SVOPL: variants seen among roughly 807,000 people sequenced by gnomAD.
SVOPL encodes putative transporter SVOPL.
A neutral mutation model predicts 61.0 loss-of-function variants in SVOPL; 60 were observed. The ratio of observed to expected loss-of-function variants is 0.98; its 90% CI spans 0.80 to 1.22. The LOEUF is 1.22. SVOPL is among the 50% of genes most tolerant of loss of function. The probability of loss-of-function intolerance (pLI) is 0.00; values close to 1 mark genes in which losing one functional copy is unlikely to be tolerated. For synonymous variants in SVOPL, 279 were observed against 250.0 expected (o/e 1.12, Z -1.09); for missense variants, 662 against 643.9 (o/e 1.03, Z -0.30).
intron 14 of SVOPL, among the ~76,000 whole-genome samples, chr7:138,612,405 T>TAAAAAAAAAA (rs1158818070): frequency 2.1e-4 from 2 of 9,332 alleles, no homozygotes; most frequent in Non-Finnish European, 2.0e-4. Context: ...AAAAATAAAT[T>TAAAAAAAAAA]AAAAAAAAAA....
At position 138,643,985 on chromosome 7, in the gene SVOPL, C is replaced by T. The variant is rs151023380; in HGVS notation, c.789+732G>A. Among the ~76,000 whole-genome samples the T allele has an allele frequency of 2.8e-3, 421 of 151,976 alleles. 3 individuals are homozygous for T. The highest frequency in any genetic ancestry group is 0.01 in the Middle Eastern group (3 of 294). On this transcript the variant is annotated intron_variant, in intron 9 of 15. Coordinates refer to ENST00000674285, the MANE Select transcript of SVOPL (RefSeq NM_001139456.2). ...TTGGGAGGCCGAGGCAGGTGGATCA[C>T]GAGGTCAAGAGATCAAGACCATCCT...
At chr7:138,655,378 G>A (rs913622691) in intron 7 of SVOPL, among the ~76,000 whole-genome samples, 4 of 151,936 alleles carry the variant, frequency 2.6e-5, no homozygotes, top group South Asian at 2.1e-4. Context: ...GGTGGTGCAC[G>A]TCTGTAATTC....
At chr7:138,663,018 C>A (rs1462036455) in intron 5 of SVOPL, 56 bp downstream of exon 5, 2 of 1,611,246 alleles carry the variant, frequency 1.2e-6, no homozygotes, top group Admixed American at 1.7e-5. Context: ...GATAAGGTTG[C>A]CCCCAAAAGA....
At chr7:138,675,653 G>A (rs111688105) in intron 3 of SVOPL, among the ~76,000 whole-genome samples, 3,132 of 152,108 alleles carry the variant, frequency 0.021, 103 homozygotes, top group African/African-American at 0.072. Flanking sequence ...ACCATGCCCC[G>A]CCCACACAAC....
intron 14 of SVOPL, among the ~76,000 whole-genome samples, chr7:138,608,322 A>C (rs1343455341): frequency 1.3e-5 from 2 of 152,256 alleles, no homozygotes; most frequent in Non-Finnish European, 2.9e-5. Context: ...AACGTGCTAT[A>C]AATCTCATTA....
At chr7:138,694,355 C>T (rs189686358) in intron 1 of SVOPL, among the ~76,000 whole-genome samples, 1 of 152,138 alleles carries the variant, frequency 6.6e-6, no homozygotes, top group Non-Finnish European at 1.5e-5. Flanking sequence ...AGTGATTCTC[C>T]TGCCTCAGCC....
chr7:138,671,866 G>A (rs1802426162), intron 4 of SVOPL, among the ~76,000 whole-genome samples, 153 bp downstream of exon 4: 1 of 152,216 alleles, frequency 6.6e-6, no homozygotes, highest in Admixed American at 6.5e-5. Flanking sequence ...AAAGAAAAAG[G>A]TGACGAAGAC....
intron 5 of SVOPL, 38 bp downstream of exon 5, chr7:138,663,034 CAA>C (rs1016277741): frequency 3.7e-6 from 6 of 1,613,514 alleles, no homozygotes; most frequent in Non-Finnish European, 5.1e-6. Flanking sequence ...AAAGAATACA[CAA>C]AAGACAATTC....
Position 138,621,143 on chromosome 7 carries a change from G to A in SVOPL, c.1264-8C>T. Reference sequence around the variant, plus strand: ...CATCGTGGTGGGGTAGACCTGCAGGGAGAGGCACGGAAAGTACCAGTCAGA... The same window carrying A: ...CATCGTGGTGGGGTAGACCTGCAGGAAGAGGCACGGAAAGTACCAGTCAGA... On this transcript the variant is annotated splice_polypyrimidine_tract_variant and splice_region_variant and intron_variant, in intron 13 of 15. Coordinates refer to ENST00000674285, the MANE Select transcript of SVOPL (RefSeq NM_001139456.2). 2.5e-6 allele frequency: 4 copies of A among 1,611,336 alleles called. No homozygotes were observed. The highest frequency in any genetic ancestry group is 3.4e-6 in the Non-Finnish European group (4 of 1,178,804).
At chr7:138,678,636 G>C (rs1443616997) in intron 2 of SVOPL, 111 bp from the exon 3 acceptor site, 1 of 1,070,168 alleles carries the variant, frequency 9.3e-7, no homozygotes, top group Middle Eastern at 2.9e-4. Context: ...TTAATACGGG[G>C]GGTCAGTGGT....
intron 13 of SVOPL, among the ~76,000 whole-genome samples, chr7:138,624,235 G>T (rs1799798736): frequency 6.6e-6 from 1 of 152,152 alleles, no homozygotes. Flanking sequence ...CTTCAAGTTA[G>T]CCCTTTTTAA....
intron 9 of SVOPL, among the ~76,000 whole-genome samples, chr7:138,639,528 G>C (rs909700550): frequency 1.3e-5 from 2 of 151,898 alleles, no homozygotes; most frequent in African/African-American, 2.4e-5. Flanking sequence ...TTGGGAGGCC[G>C]AGGCAGGAGA....
chr7:138,671,706 C>T (rs867119184), intron 4 of SVOPL, among the ~76,000 whole-genome samples: 3 of 152,276 alleles, frequency 2.0e-5, no homozygotes, highest in Non-Finnish European at 2.9e-5. Context: ...TATAATTCAG[C>T]GAGGGTGATT....
At chr7:138,694,448 G>T (rs1486956477) in intron 1 of SVOPL, among the ~76,000 whole-genome samples, 1 of 152,014 alleles carries the variant, frequency 6.6e-6, no homozygotes, top group Admixed American at 6.6e-5. Flanking sequence ...GTTTCACCAT[G>T]TTGGCCAGGC....
At chr7:138,683,075 G>A (rs922561686) in intron 1 of SVOPL, among the ~76,000 whole-genome samples, 39 of 151,772 alleles carry the variant, frequency 2.6e-4, no homozygotes, top group African/African-American at 8.7e-4. Context: ...AAGATATTAA[G>A]AAATTACTGA....
In SVOPL at chr7:138,699,952, A is replaced by G. The variant is rs191147587; in HGVS notation, c.-35+1226T>C. ...CGTACAGGTTTACCTGCAACAGAGA[A>G]AGTCCTCATTCCCACCCTATTAGGA... On this transcript the variant is annotated intron_variant, in intron 1 of 15. Transcript: ENST00000674285. 1.7e-3 allele frequency among the ~76,000 whole-genome samples: 261 copies of G among 152,298 alleles called. 1 individual carries two copies. The highest frequency in any genetic ancestry group is 3.4e-3 in the Middle Eastern group (1 of 294).
intron 8 of SVOPL, among the ~76,000 whole-genome samples, chr7:138,648,402 G>A (rs1461038504): frequency 1.3e-5 from 2 of 151,968 alleles, no homozygotes; most frequent in African/African-American, 2.4e-5. Flanking sequence ...TAGGCCAGGA[G>A]TTCAAGATCA....
chr7:138,654,135 A>G (rs925276040), intron 7 of SVOPL, among the ~76,000 whole-genome samples: 1 of 150,638 alleles, frequency 6.6e-6, no homozygotes, highest in African/African-American at 2.4e-5. Context: ...TCCCTCAAAA[A>G]AAAAAAAAAA....
chr7:138,643,636 CGAAAT>C (rs1800946935), intron 9 of SVOPL, among the ~76,000 whole-genome samples: 2 of 149,452 alleles, frequency 1.3e-5, no homozygotes, highest in African/African-American at 4.9e-5. Context: ...GGACATTATG[CGAAAT>C]GAAATGAACC....
Sources: allele counts gnomAD v4.1 joint callset (sites outside exome capture counted in the v4.1 genomes callset), GRCh38; gene constraint gnomAD v4.1.1; transcripts MANE v1.5; gene names NCBI Gene and HGNC (gene_info 2026-07-23, HGNC 2026-07-21).